The following SASH3 variants were observed in gnomAD, a reference collection of about 807,000 sequenced individuals.
SASH3 encodes the protein SAM and SH3 domain-containing protein 3.
In SASH3, 7 loss-of-function variants were observed where a neutral mutation model predicts 26.1. The observed-to-expected ratio is 0.27, with a 90% CI of 0.15 to 0.50. SASH3 has a LOEUF of 0.50. Among genes scored for constraint, SASH3 ranks in the 20% least tolerant of loss-of-function variants. The pLI is 0.98. For synonymous variants in SASH3, 138 were observed against 136.8 expected (o/e 1.01, Z -0.06); for missense variants, 231 against 318.3 (o/e 0.73, Z 2.09).
At chrX:129,793,303 G>A (rs1398974966) in intron 7 of SASH3, among the ~76,000 whole-genome samples, 164 bp downstream of exon 7, 3 of 112,286 alleles carry the variant, frequency 2.7e-5, no homozygotes, top group Non-Finnish European at 5.6e-5. Context: ...AAGTGTACGG[G>A]AGAAAGGAGT....
intron 2 of SASH3, 67 bp downstream of exon 2, chrX:129,788,137 G>GGGGGT: frequency 2.8e-6 from 1 of 354,277 alleles, no homozygotes; most frequent in Non-Finnish European, 5.4e-6. Flanking sequence ...GGGTGGGAGG[G>GGGGGT]AAGAGGGTGA....
At chrX:129,787,108 C>A (rs1366188027) in intron 1 of SASH3, among the ~76,000 whole-genome samples, 1 of 111,085 alleles carries the variant, frequency 9.0e-6, no homozygotes, top group African/African-American at 3.3e-5. Context: ...TCGAGACCAG[C>A]CTGACCAACA....
rs917838192 is a variant in SASH3 at position 129,794,166 on chromosome X, C to G, written c.*334C>G. Reference sequence around the variant, plus strand: ...TGGGAAACCCTGCCCATGTCCCTCACCAACAAGGCCTCCAAATCCTCCTCA... The same window carrying G: ...TGGGAAACCCTGCCCATGTCCCTCAGCAACAAGGCCTCCAAATCCTCCTCA... On this transcript the variant is annotated 3_prime_UTR_variant, in exon 8 of 8. Coordinates refer to ENST00000356892, the MANE Select transcript of SASH3 (RefSeq NM_018990.4). 3 of 286,286 alleles carry G rather than the reference C, an allele frequency of 1.0e-5. No homozygotes were observed. The highest frequency in any genetic ancestry group is 7.9e-5 in the African/African-American group (3 of 38,034). The allele number at this position is 286,286 out of a possible 1,213,427, so 23.6% of individuals were successfully genotyped here. A position where few individuals can be genotyped will look rare whatever the true frequency, so the allele number is the denominator to read the frequency against.
In SASH3 at chrX:129,779,970, CAGTCAG is replaced by C; in HGVS notation, c.-124_-119del. 1 of 595,326 alleles carries C rather than the reference CAGTCAG, an allele frequency of 1.7e-6. No homozygotes were observed. The highest frequency in any genetic ancestry group is 2.7e-6 in the Non-Finnish European group (1 of 371,635). The allele number at this position is 595,326 out of a possible 1,213,427, so 49.1% of individuals were successfully genotyped here. ...CCGCACCCCCAAGCTGCCACTGCAG[CAGTCAG>C]AGTGGCAGCTGAAGGCTCGGTTCAT... On this transcript the variant is annotated 5_prime_UTR_variant, in exon 1 of 8. Coordinates refer to ENST00000356892, the MANE Select transcript of SASH3 (RefSeq NM_018990.4).
Position 129,790,953 on chromosome X carries a change from A to G in SASH3, c.314A>G (p.Glu105Gly), listed in dbSNP as rs1189430471. The G allele has an allele frequency of 7.4e-6, 9 of 1,211,387 alleles. No individual in the cohort carries two copies. The South Asian group carries it at 1.4e-4, about 19-fold the overall frequency. Residue 105 changes from glutamate to glycine, a missense_variant, in exon 4 of 8, where the codon GAG becomes GGG. Transcript: ENST00000356892. ...CCCTCCCTGCAGGCAGACACTCTGG[A>G]GGAGGGCTCTGCCTCCCCGACATCT... is the stretch of plus-strand genomic sequence containing the variant. ...ALSEEMADTL[E>G]EGSASPTSPD...
chrX:129,791,893 G>A (rs899763927), intron 4 of SASH3, among the ~76,000 whole-genome samples: 14 of 112,159 alleles, frequency 1.2e-4, no homozygotes, highest in Admixed American at 9.4e-5. Context: ...TGGGTGGAGG[G>A]AGCGTTGGAG....
chrX:129,786,637 G>A (rs893559254), intron 1 of SASH3, among the ~76,000 whole-genome samples: 3 of 111,660 alleles, frequency 2.7e-5, no homozygotes, highest in Non-Finnish European at 5.6e-5. Context: ...TCGAGGGCCT[G>A]TCCCCCTTAC....
intron 1 of SASH3, among the ~76,000 whole-genome samples, chrX:129,786,477 G>C (rs372144219): frequency 3.8e-4 from 42 of 110,842 alleles, no homozygotes; most frequent in African/African-American, 1.3e-3. Context: ...CGTTGTGTGG[G>C]TTTGGGGCTT....
At chrX:129,789,157 GAAAGAAAGAGAA>G (rs1569312677) in intron 3 of SASH3, among the ~76,000 whole-genome samples, 1,513 of 64,164 alleles carry the variant, frequency 0.024, 39 homozygotes, top group East Asian at 0.13. Flanking sequence ...AAGAAAGAAA[GAAAGAAAGAGAA>G]AAAAAAAAAA....
At position 129,792,463 on chromosome X, in the gene SASH3, C is replaced by T. The variant is rs754599102; in HGVS notation, c.578C>T (p.Ser193Leu). The part of the protein sequence containing the change: ...DFTPSPYDHD[S>L]LKLQKGDVIQ... ...ACTCCCAGCCCCTATGACCACGACT[C>T]GCTGAAACTGCAGGTAAGATCAGCA... Residue 193 changes from serine to leucine, a missense_variant, in exon 5 of 8, where the codon TCG (serine) becomes TTG (leucine). Coordinates refer to ENST00000356892, the MANE Select transcript of SASH3 (RefSeq NM_018990.4). The T allele has an allele frequency of 7.4e-6, 9 of 1,212,005 alleles. No individual in the cohort carries two copies. The highest frequency in any genetic ancestry group is 2.3e-4 in the Middle Eastern group (1 of 4,356).
At chrX:129,793,208 CCTGGCCTTGCCTT>C in intron 7 of SASH3, 69 bp downstream of exon 7, 2 of 1,125,832 alleles carry the variant, frequency 1.8e-6, no homozygotes, top group Non-Finnish European at 2.4e-6. Flanking sequence ...GGAGGCTTGC[CCTGGCCTTGCCTT>C]CTGTCCACGC....
chrX:129,790,453 T>C (rs901303053), intron 3 of SASH3, among the ~76,000 whole-genome samples: 6 of 109,278 alleles, frequency 5.5e-5, no homozygotes, highest in Non-Finnish European at 1.1e-4. Flanking sequence ...AGTTTACAGA[T>C]GAGGAGTAAG....
chrX:129,781,029 A>C (rs190333725), intron 1 of SASH3, among the ~76,000 whole-genome samples: 1 of 111,875 alleles, frequency 8.9e-6, no homozygotes, highest in Admixed American at 9.4e-5. Context: ...GGGTTTGAGG[A>C]TTTCTAGACC....
chrX:129,792,769 G>A lies in SASH3; in HGVS notation c.734G>A (p.Arg245Gln), dbSNP rs35096611. The change falls in exon 6 of 8, where the codon CGA becomes CAA. Residue 245 changes from arginine (R) to glutamine (Q), a missense_variant. Physicochemically the swap from Arg to Gln is conservative, Grantham distance 43 (BLOSUM62 1). Transcript: ENST00000356892. ...GTGGGGCATGCCCGCCCCAGCCGCC[G>A]ACAGAGCAAGGGCAAGAGGCCCAAG... ...EAVGHARPSR[R>Q]QSKGKRPKPK... The A allele has an allele frequency of 2.4e-5, 29 of 1,205,392 alleles. No individual in the cohort carries two copies. Among genetic ancestry groups the A allele is most frequent in the Admixed American group, 1.3e-4 (6 of 45,538 alleles).
chrX:129,783,211 A>C (rs1414692163), intron 1 of SASH3, among the ~76,000 whole-genome samples: 9 of 110,774 alleles, frequency 8.1e-5, no homozygotes, highest in Non-Finnish European at 1.5e-4. Flanking sequence ...TCCCATCATC[A>C]GGCTCTCAAC....
In SASH3 at chrX:129,793,707, G is replaced by C. The variant is rs776311788; in HGVS notation, c.1018G>C (p.Glu340Gln). Reference protein sequence around the residue: ...SQEPVAHTVSEPKVDIPRDSG... With the variant: ...SQEPVAHTVSQPKVDIPRDSG... The stretch of plus-strand genomic sequence containing the variant: ...GGAGCCAGTGGCACACACAGTGTCG[G>C]AACCCAAGGTGGACATCCCGCGCGA... The change falls in exon 8 of 8, where the codon GAA becomes CAA. Residue 340 changes from glutamate (E) to glutamine (Q), a missense_variant. Coordinates refer to ENST00000356892, the MANE Select transcript of SASH3 (RefSeq NM_018990.4). The C allele has an allele frequency of 2.5e-6, 3 of 1,212,249 alleles. No individual in the cohort carries two copies. In the South Asian group the frequency reaches 5.3e-5, roughly 21 times the overall value.
intron 7 of SASH3, 57 bp from the exon 8 acceptor site, chrX:129,793,585 T>C: frequency 8.7e-7 from 1 of 1,144,385 alleles, no homozygotes; most frequent in Non-Finnish European, 1.2e-6. Flanking sequence ...TATGGTGTAT[T>C]TCCCAAGGTC....
chrX:129,790,036 C>T (rs1450749348), intron 3 of SASH3, among the ~76,000 whole-genome samples: 3 of 111,844 alleles, frequency 2.7e-5, no homozygotes, highest in Non-Finnish European at 5.6e-5. Context: ...AGTAAGAGTC[C>T]AGCCTGGGCA....
chrX:129,792,060 T>G (rs1927240590), intron 4 of SASH3, among the ~76,000 whole-genome samples: 1 of 112,039 alleles, frequency 8.9e-6, no homozygotes, highest in African/African-American at 3.3e-5. Flanking sequence ...CCTCCTAATT[T>G]GCCCATTCTT....
Sources: allele counts gnomAD v4.1 joint callset (sites outside exome capture counted in the v4.1 genomes callset), GRCh38; gene constraint gnomAD v4.1.1; transcripts MANE v1.5; gene names NCBI Gene and HGNC (gene_info 2026-07-23, HGNC 2026-07-21).